UBE2Q2: variants seen among roughly 807,000 people sequenced by gnomAD.
UBE2Q2 encodes the protein ubiquitin conjugating enzyme E2 Q2, also known as ubiquitin-conjugating enzyme E2 Q2.
A neutral mutation model predicts 59.9 loss-of-function variants in UBE2Q2; 54 were observed. The ratio of observed to expected loss-of-function variants is 0.90; its 90% CI spans 0.72 to 1.13. UBE2Q2 has a LOEUF of 1.13. Among genes scored for constraint, UBE2Q2 ranks in the 50% most tolerant of loss-of-function variants. The pLI is 0.00. For missense variants in UBE2Q2, 433 were observed against 441.9 expected (o/e 0.98, Z 0.18); for synonymous variants, 165 against 155.2 (o/e 1.06, Z -0.47).
At chr15:75,855,824 T>C (rs1896873522) in intron 2 of UBE2Q2, among the ~76,000 whole-genome samples, 1 of 152,216 alleles carries the variant, frequency 6.6e-6, no homozygotes. Context: ...AGATTTGCAT[T>C]CTGTGTTCCT....
chr15:75,877,183 A>AAAAT (rs1555422255), intron 6 of UBE2Q2, among the ~76,000 whole-genome samples: 2 of 148,716 alleles, frequency 1.3e-5, no homozygotes, highest in Non-Finnish European at 3.0e-5. Flanking sequence ...AAAAAAAAAA[A>AAAAT]GGGTTATGAC....
chr15:75,854,129 C>T (rs906443396), intron 1 of UBE2Q2, among the ~76,000 whole-genome samples: 3 of 152,068 alleles, frequency 2.0e-5, no homozygotes, highest in East Asian at 3.9e-4. Flanking sequence ...TGATGGTGAT[C>T]GGGGCCATTT....
intron 3 of UBE2Q2, among the ~76,000 whole-genome samples, chr15:75,865,768 C>T (rs1220550672): frequency 6.6e-6 from 1 of 151,824 alleles, no homozygotes; most frequent in Non-Finnish European, 1.5e-5. Flanking sequence ...GTCCTGCTCC[C>T]TGCCCCTCAA....
At chr15:75,844,513 C>T in intron 1 of UBE2Q2, 1 of 1,549,570 alleles carries the variant, frequency 6.5e-7, no homozygotes, top group Non-Finnish European at 8.7e-7. Context: ...TTCGTGTGGC[C>T]CCTCCCTTGT....
In UBE2Q2 at chr15:75,853,504, A is replaced by G. The variant is rs151153250; in HGVS notation, c.181-882A>G. Among the ~76,000 whole-genome samples, 450 of 151,518 alleles carry G rather than the reference A, an allele frequency of 3.0e-3. 1 individual carries two copies. Among genetic ancestry groups the G allele is most frequent in the African/African-American group, 9.5e-3 (391 of 41,330 alleles). On this transcript the variant is annotated intron_variant, in intron 1 of 12. Coordinates refer to ENST00000267938, the MANE Select transcript of UBE2Q2 (RefSeq NM_173469.4). Reference sequence around the variant, plus strand: ...AGAAAAAAAAATTATATATATATATATATGTATGTATGTATGTATGTGTGT... The same window carrying G: ...AGAAAAAAAAATTATATATATATATGTATGTATGTATGTATGTATGTGTGT...
intron 1 of UBE2Q2, chr15:75,844,177 T>A: frequency 1.4e-6 from 2 of 1,438,512 alleles, no homozygotes; most frequent in Non-Finnish European, 1.8e-6. Flanking sequence ...TCAGCCGGCC[T>A]GCTCCCGGGA....
chr15:75,845,645 A>T (rs1044063652), intron 1 of UBE2Q2, among the ~76,000 whole-genome samples: 5 of 152,190 alleles, frequency 3.3e-5, no homozygotes, highest in Non-Finnish European at 7.3e-5. Context: ...TGGCATTAGG[A>T]AATGTGGTTA....
In UBE2Q2 at chr15:75,886,612, A is replaced by T. The variant is rs1234206228; in HGVS notation, c.884+3188A>T. ...ATATAAAAACATTTTTATCAGCCAG[A>T]TGTGGTTGCTCACGCCTGTAATCCC... On this transcript the variant is annotated intron_variant, in intron 9 of 12. Coordinates refer to ENST00000267938, the MANE Select transcript of UBE2Q2 (RefSeq NM_173469.4). Among the ~76,000 whole-genome samples the T allele has an allele frequency of 2.6e-5, 4 of 152,066 alleles. No homozygotes were observed. The East Asian group carries it at 7.7e-4, about 29-fold the overall frequency.
At chr15:75,866,843 A>G (rs1353837955) in intron 3 of UBE2Q2, among the ~76,000 whole-genome samples, 6 of 152,198 alleles carry the variant, frequency 3.9e-5, no homozygotes, top group Admixed American at 2.6e-4. Context: ...TGGATGCAGT[A>G]TCTTCCCAAT....
chr15:75,887,160 GTCTT>G (rs1300966943), intron 9 of UBE2Q2, among the ~76,000 whole-genome samples: 2 of 152,120 alleles, frequency 1.3e-5, no homozygotes, highest in African/African-American at 2.4e-5. Flanking sequence ...CTAATAAAGT[GTCTT>G]TCATTATACC....
chr15:75,900,569 T>TAAC lies in UBE2Q2; in HGVS notation c.*1114_*1116dup. 2.0e-4 allele frequency: 1 copy of TAAC among 5,036 alleles called. No homozygotes were observed. Among genetic ancestry groups the TAAC allele is most frequent in the Non-Finnish European group, 7.1e-3 (1 of 140 alleles). 0.3% of individuals were successfully genotyped at this position (5,036 alleles called of 1,614,324 possible). On this transcript the variant is annotated 3_prime_UTR_variant, in exon 13 of 13. Transcript: ENST00000267938. Reference sequence around the variant, plus strand: ...GTAAATTCTAGTTCTTAAGCACTTTTAACAAATCCAGAAGCACATTTTTCT... The same window carrying TAAC: ...GTAAATTCTAGTTCTTAAGCACTTTTAACAACAAATCCAGAAGCACATTTTTCT...
chr15:75,873,595 T>A (rs1257732397), intron 5 of UBE2Q2, 27 bp downstream of exon 5: 27 of 1,587,668 alleles, frequency 1.7e-5, no homozygotes, highest in Non-Finnish European at 2.3e-5. Context: ...ATCTAGAACC[T>A]GGACTTTTGT....
chr15:75,876,147 G>A, intron 5 of UBE2Q2, 40 bp from the exon 6 acceptor site: 1 of 1,586,166 alleles, frequency 6.3e-7, no homozygotes, highest in Non-Finnish European at 8.6e-7. Flanking sequence ...TTAAATCTTA[G>A]CTCAGCAGAC....
chr15:75,871,520 G>C (rs932637795), intron 4 of UBE2Q2, among the ~76,000 whole-genome samples: 1 of 152,194 alleles, frequency 6.6e-6, no homozygotes, highest in African/African-American at 2.4e-5. Flanking sequence ...AGGTCCCTGC[G>C]GCCTTCCGCA....
At chr15:75,855,637 T>A (rs189964783) in intron 2 of UBE2Q2, among the ~76,000 whole-genome samples, 71 of 152,380 alleles carry the variant, frequency 4.7e-4, no homozygotes, top group Non-Finnish European at 6.5e-4. Flanking sequence ...AGATTACTGG[T>A]TGAAAGCTCT....
At position 75,843,558 on chromosome 15, in the gene UBE2Q2, C is replaced by T; in HGVS notation, c.-109C>T. The T allele has an allele frequency of 1.2e-6, 1 of 861,870 alleles. No homozygotes were observed. Among genetic ancestry groups the T allele is most frequent in the South Asian group, 2.6e-5 (1 of 38,428 alleles). The allele number at this position is 861,870 out of a possible 1,614,324, so 53.4% of individuals were successfully genotyped here. A position where few individuals can be genotyped will look rare whatever the true frequency, so the allele number is the denominator to read the frequency against. ...CGAGGCGGAGCCGCGAGAGCGCGGCCCAGGCCGGCCCCGCGGGGCGGTCGC... is the reference window on the plus strand; with the variant it reads ...CGAGGCGGAGCCGCGAGAGCGCGGCTCAGGCCGGCCCCGCGGGGCGGTCGC... On this transcript the variant is annotated 5_prime_UTR_variant, in exon 1 of 13. Coordinates refer to ENST00000267938, the MANE Select transcript of UBE2Q2 (RefSeq NM_173469.4).
At position 75,881,404 on chromosome 15, in the gene UBE2Q2, A is replaced by AGG. The variant is rs374641931; in HGVS notation, c.826-1959_826-1958dup. Among the ~76,000 whole-genome samples, 123 of 152,184 alleles carry AGG rather than the reference A, an allele frequency of 8.1e-4. 1 individual carries two copies. Among genetic ancestry groups the AGG allele is most frequent in the African/African-American group, 2.8e-3 (118 of 41,512 alleles). On this transcript the variant is annotated intron_variant, in intron 8 of 12. Coordinates refer to ENST00000267938, the MANE Select transcript of UBE2Q2 (RefSeq NM_173469.4). The stretch of plus-strand genomic sequence containing the variant: ...TCCTGCTCTAGGTAGAACTTCAGGG[A>AGG]GGGGACGATCTGGGAGGTAAATGGC...
chr15:75,868,849 C>G, intron 3 of UBE2Q2, 102 bp from the exon 4 acceptor site: 1 of 917,552 alleles, frequency 1.1e-6, no homozygotes, highest in Non-Finnish European at 1.7e-6. Flanking sequence ...TAGTGGGACT[C>G]CAGTGACAGA....
rs759257690 is a variant in UBE2Q2, at chr15:75,890,488, C to T, written c.933+5C>T. The T allele has an allele frequency of 1.4e-5, 23 of 1,607,952 alleles. 1 individual carries two copies. The South Asian group carries it at 2.6e-4, about 18-fold the overall frequency. On this transcript the variant is annotated splice_donor_5th_base_variant and intron_variant, in intron 10 of 12. Coordinates refer to ENST00000267938, the MANE Select transcript of UBE2Q2 (RefSeq NM_173469.4). Reference sequence around the variant, plus strand: ...ATGGAACTTCTCACAAAACAGGTGACTTTTCTTACGATACTCCATTTTCAC... The same window carrying T: ...ATGGAACTTCTCACAAAACAGGTGATTTTTCTTACGATACTCCATTTTCAC...
Sources: allele counts gnomAD v4.1 joint callset (sites outside exome capture counted in the v4.1 genomes callset), GRCh38; gene constraint gnomAD v4.1.1; transcripts MANE v1.5; gene names NCBI Gene and HGNC (gene_info 2026-07-23, HGNC 2026-07-21).